The following ASTN1 variants were observed in gnomAD, a reference collection of about 807,000 sequenced individuals.
ASTN1 encodes astrotactin 1, also known as astrotactin-1.
A neutral mutation model predicts 140.7 loss-of-function variants in ASTN1; 41 were observed. That is an observed-to-expected ratio of 0.29 (90% confidence interval 0.23 to 0.38). The LOEUF (loss-of-function observed/expected upper bound fraction) is 0.38. Among genes scored for constraint, ASTN1 ranks in the 10% least tolerant of loss-of-function variants. The pLI is 1.00. For synonymous variants in ASTN1, 640 were observed against 652.2 expected (o/e 0.98, Z 0.29); for missense variants, 1,479 against 1,678.8 (o/e 0.88, Z 2.08).
chr1:176,924,445 C>T (rs534764341), intron 16 of ASTN1, among the ~76,000 whole-genome samples: 2 of 152,320 alleles, frequency 1.3e-5, no homozygotes, highest in South Asian at 2.1e-4. Flanking sequence ...ATCCTTCAGT[C>T]AACCTCTGGT....
intron 1 of ASTN1, among the ~76,000 whole-genome samples, chr1:177,098,784 C>T (rs1452675976): frequency 1.3e-5 from 2 of 152,168 alleles, no homozygotes; most frequent in African/African-American, 4.8e-5. Flanking sequence ...TTAATATCAT[C>T]TTGTAGATCA....
At chr1:177,041,010 G>C (rs992644593) in intron 2 of ASTN1, among the ~76,000 whole-genome samples, 11 of 152,150 alleles carry the variant, frequency 7.2e-5, no homozygotes, top group Non-Finnish European at 1.3e-4. Flanking sequence ...GCATTTGTCT[G>C]TGAGCTGCTT....
intron 22 of ASTN1, among the ~76,000 whole-genome samples, chr1:176,866,067 A>T (rs752741343): frequency 1.5e-4 from 23 of 152,178 alleles, no homozygotes; most frequent in Admixed American, 2.6e-4. Flanking sequence ...TCCTTCCAGA[A>T]ACTGAAATTT....
intron 1 of ASTN1, among the ~76,000 whole-genome samples, chr1:177,065,074 G>C (rs1367931376): frequency 6.6e-6 from 1 of 152,210 alleles, no homozygotes; most frequent in Non-Finnish European, 1.5e-5. Context: ...GGAGGTGATA[G>C]TTACGCCTGC....
At chr1:176,909,656 T>G (rs1557952276) in intron 16 of ASTN1, among the ~76,000 whole-genome samples, 1 of 152,228 alleles carries the variant, frequency 6.6e-6, no homozygotes, top group Non-Finnish European at 1.5e-5. Flanking sequence ...GTGAATGGTA[T>G]ATAAATGACA....
At chr1:176,930,717 C>A (rs1671171201) in intron 16 of ASTN1, among the ~76,000 whole-genome samples, 1 of 152,096 alleles carries the variant, frequency 6.6e-6, no homozygotes, top group African/African-American at 2.4e-5. Context: ...GGTAGGCTTC[C>A]TTCTCCAGCG....
At chr1:176,927,345 C>T (rs770041062) in intron 16 of ASTN1, among the ~76,000 whole-genome samples, 4 of 151,384 alleles carry the variant, frequency 2.6e-5, no homozygotes, top group Non-Finnish European at 5.9e-5. Context: ...AAAGTAATAG[C>T]AAGAAAAGGC....
Position 176,894,653 on chromosome 1 carries a change from G to A in ASTN1, c.2849C>T (p.Ser950Phe), listed in dbSNP as rs916660992. Residue 950 changes from serine (S) to phenylalanine (F), a missense_variant, in exon 17 of 23, where the codon TCC becomes TTC. Physicochemically the swap from Ser to Phe is radical, Grantham distance 155. Coordinates refer to ENST00000361833, the MANE Select transcript of ASTN1 (RefSeq NM_004319.3). ...CGGCTCAGCAGGGGTGTCAGGGCTG[G>A]ATGTCACATGACACAGGGGGCAGGA... is the stretch of plus-strand genomic sequence containing the variant. The part of the protein sequence containing the change: ...PSSCPLCHVT[S>F]SPDTPAEPVL... 6.2e-7 allele frequency: 1 copy of A among 1,614,134 alleles called. No homozygotes were observed. Among genetic ancestry groups the A allele is most frequent in the Non-Finnish European group, 8.5e-7 (1 of 1,180,036 alleles).
intron 9 of ASTN1, among the ~76,000 whole-genome samples, chr1:176,960,762 T>A (rs572559272): frequency 3.2e-4 from 48 of 152,272 alleles, no homozygotes; most frequent in African/African-American, 1.0e-3. Context: ...GTTGTCCCGA[T>A]TTTCTCACCT....
At chr1:176,966,687 T>C (rs1395117135) in intron 8 of ASTN1, among the ~76,000 whole-genome samples, 1 of 152,060 alleles carries the variant, frequency 6.6e-6, no homozygotes, top group Admixed American at 6.6e-5. Context: ...CATATCATAA[T>C]ACAGTATTGC....
intron 1 of ASTN1, among the ~76,000 whole-genome samples, chr1:177,142,038 GT>G (rs1682495774): frequency 6.6e-6 from 1 of 152,196 alleles, no homozygotes; most frequent in East Asian, 1.9e-4. Flanking sequence ...CATCCAGGGG[GT>G]GGTATCAGTC....
intron 1 of ASTN1, among the ~76,000 whole-genome samples, chr1:177,144,517 G>T (rs529885800): frequency 1.3e-5 from 2 of 150,408 alleles, no homozygotes; most frequent in Admixed American, 1.3e-4. Context: ...CTCCCAAAGT[G>T]CTGGGATTAC....
intron 4 of ASTN1, among the ~76,000 whole-genome samples, chr1:177,030,226 C>T (rs1480321517): frequency 6.6e-6 from 1 of 152,176 alleles, no homozygotes. Flanking sequence ...CCTCTAAATC[C>T]TTTAAATCAG....
intron 1 of ASTN1, among the ~76,000 whole-genome samples, chr1:177,140,492 C>T (rs1427951585): frequency 6.6e-6 from 1 of 152,160 alleles, no homozygotes; most frequent in African/African-American, 2.4e-5. Context: ...TTCCTTTATC[C>T]CGCATGTATC....
chr1:177,007,224 T>G (rs982428531), intron 8 of ASTN1, among the ~76,000 whole-genome samples: 2 of 152,024 alleles, frequency 1.3e-5, no homozygotes, highest in African/African-American at 4.8e-5. Context: ...AGAAACCCTG[T>G]CTCTACTAAA....
At chr1:177,125,627 G>T (rs1353835215) in intron 1 of ASTN1, among the ~76,000 whole-genome samples, 1 of 152,102 alleles carries the variant, frequency 6.6e-6, no homozygotes, top group East Asian at 1.9e-4. Flanking sequence ...ACACTGTATT[G>T]GCTCAGACCA....
chr1:177,028,472 G>C (rs1676247303), intron 5 of ASTN1, among the ~76,000 whole-genome samples: 1 of 152,166 alleles, frequency 6.6e-6, no homozygotes, highest in African/African-American at 2.4e-5. Flanking sequence ...ATAATCAAAA[G>C]GGCTTCTTCA....
At chr1:176,897,002 C>T (rs1467225151) in intron 16 of ASTN1, among the ~76,000 whole-genome samples, 2 of 152,262 alleles carry the variant, frequency 1.3e-5, no homozygotes, top group African/African-American at 4.8e-5. Context: ...AAAGGGCGGA[C>T]GTGGTGGCTC....
intron 2 of ASTN1, among the ~76,000 whole-genome samples, chr1:177,051,421 A>G (rs1677537319): frequency 6.6e-6 from 1 of 152,240 alleles, no homozygotes; most frequent in Non-Finnish European, 1.5e-5. Flanking sequence ...TATACTGTGC[A>G]TGGTTACTTG....
Sources: gnomAD v4.1 joint callset for allele counts (sites outside exome capture counted in the v4.1 genomes callset) on GRCh38, gnomAD v4.1.1 for gene constraint, MANE v1.5 for transcripts, NCBI Gene and HGNC (gene_info 2026-07-23, HGNC 2026-07-21) for gene names.